The following FANCD2 variants were observed in gnomAD, a reference collection of about 807,000 sequenced individuals.
The protein encoded by FANCD2 is FA complementation group D2, also known as Fanconi anemia group D2 protein.
In FANCD2, 131 loss-of-function variants were observed where a neutral mutation model predicts 192.3. The ratio of observed to expected loss-of-function variants is 0.68; its 90% CI spans 0.59 to 0.79. The LOEUF (loss-of-function observed/expected upper bound fraction) is 0.79, where lower values mean the gene tolerates loss of function less well. Ranked by LOEUF, FANCD2 falls within the 30% of genes least tolerant of loss-of-function variation. FANCD2 has a pLI of 0.00. For synonymous variants in FANCD2, 524 were observed against 612.5 expected, an observed-to-expected ratio of 0.86 and a Z score of 2.13; for missense variants, 1,508 against 1,701.6, an observed-to-expected ratio of 0.89 and a Z score of 2.00.
chr3:10,042,559 G>A lies in FANCD2; in HGVS notation c.784G>A (p.Val262Ile). The change falls in exon 11 of 44, where the codon GTT becomes ATT. Residue 262 changes from valine (V) to isoleucine (I), a missense_variant and splice_region_variant. By Grantham distance (29) the Val-to-Ile change is conservative. This residue lies in a region of FANCD2 where 435 missense variants were observed against 421.9 expected (regional missense o/e 1.03). Transcript: ENST00000675286. ...LRLDPNFLLK[V>I]RQLVMDKLSS... ...AAGTTTCTGTGCTTTTAATTTTTAG[G>A]TTCGCCAGTTGGTGATGGATAAGTT... 7 of 1,612,880 alleles carry A rather than the reference G, an allele frequency of 4.3e-6. No homozygotes were observed. The highest frequency in any genetic ancestry group is 5.9e-6 in the Non-Finnish European group (7 of 1,178,952).
chr3:10,029,052 C>T (rs1216672605), intron 2 of FANCD2, among the ~76,000 whole-genome samples: 1 of 152,074 alleles, frequency 6.6e-6, no homozygotes. Flanking sequence ...GTCTTTCTTC[C>T]TCTCTTGGAA....
At chr3:10,036,105 T>TTTTTTTTTTTTTTTTTTGG (rs2086724568) in intron 6 of FANCD2, among the ~76,000 whole-genome samples, 182 bp from the exon 7 acceptor site, 2 of 146,788 alleles carry the variant, frequency 1.4e-5, no homozygotes, top group African/African-American at 5.2e-5. Flanking sequence ...TTTTTTTTTT[T>TTTTTTTTTTTTTTTTTTGG]GAGTCAGAGT....
rs1376981821 is a variant in FANCD2 at position 10,043,127 on chromosome 3, G to T, written c.966G>T (p.Lys322Asn). The T allele has an allele frequency of 6.2e-7, 1 of 1,614,098 alleles. No homozygotes were observed. The highest frequency in any genetic ancestry group is 1.7e-5 in the Admixed American group (1 of 60,018). The change falls in exon 12 of 44, where the codon AAG becomes AAT. Residue 322 changes from lysine to asparagine, a missense_variant. Around this residue, in one of 5 missense-constraint regions of FANCD2, gnomAD observed 435 missense variants for 421.9 expected, o/e 1.03. Coordinates refer to ENST00000675286, the MANE Select transcript of FANCD2 (RefSeq NM_001018115.3). ...LPSRLQASQV[K>N]LKSKGRASSS... Reference sequence around the variant, plus strand: ...CACGGTTACAGGCTTCCCAAGTAAAGTTGAAAAGTAAAGGACGAGCAAGGT... The same window carrying T: ...CACGGTTACAGGCTTCCCAAGTAAATTTGAAAAGTAAAGGACGAGCAAGGT...
chr3:10,048,449 A>C (rs75123690), intron 16 of FANCD2, among the ~76,000 whole-genome samples: 2 of 149,990 alleles, frequency 1.3e-5, no homozygotes, highest in African/African-American at 4.9e-5. Flanking sequence ...GATTACAGGC[A>C]CACACCACCA....
At chr3:10,041,517 G>C (rs1008419177) in intron 9 of FANCD2, 106 bp from the exon 10 acceptor site, 1 of 842,104 alleles carries the variant, frequency 1.2e-6, no homozygotes. Flanking sequence ...TGGCAACTAA[G>C]TATGTCCTTT....
chr3:10,077,065 A>G (rs961323105), intron 29 of FANCD2, among the ~76,000 whole-genome samples: 2 of 151,964 alleles, frequency 1.3e-5, no homozygotes, highest in African/African-American at 4.8e-5. Flanking sequence ...CTGTCTCTAC[A>G]AAAAGTTAAA....
At chr3:10,084,726 A>G (rs1694075687) in intron 32 of FANCD2, among the ~76,000 whole-genome samples, 1 of 152,250 alleles carries the variant, frequency 6.6e-6, no homozygotes, top group Admixed American at 6.5e-5. Context: ...AAGAATGACT[A>G]TCACTGGTGA....
chr3:10,053,587 A>G (rs185656736), intron 18 of FANCD2, among the ~76,000 whole-genome samples: 9 of 151,874 alleles, frequency 5.9e-5, no homozygotes, highest in Admixed American at 1.3e-4. Context: ...TATTCTCAGT[A>G]TTTTGTATTA....
intron 9 of FANCD2, chr3:10,040,362 C>T (rs2086836223): frequency 2.5e-6 from 1 of 400,200 alleles, no homozygotes; most frequent in African/African-American, 2.1e-5. Flanking sequence ...AAATGGTATA[C>T]CTGTTATGAG....
intron 16 of FANCD2, among the ~76,000 whole-genome samples, chr3:10,048,585 G>T (rs1441168569): frequency 6.6e-6 from 1 of 152,202 alleles, no homozygotes; most frequent in Non-Finnish European, 1.5e-5. Context: ...GATTATAGGC[G>T]TGAGCCATTG....
chr3:10,078,108 C>T lies in FANCD2; in HGVS notation c.2887C>T (p.Pro963Ser). Residue 963 changes from proline to serine, a missense_variant, in exon 30 of 44, where the codon CCT becomes TCT. Transcript: ENST00000675286. ...TACAGAAGTTGTGCAACTTGGGCCC[C>T]CTGAGCTGCTTTTCTTGCTGGAAGA... Reference protein sequence around the residue: ...EATEVVQLGPPELLFLLEDLS... With the variant: ...EATEVVQLGPSELLFLLEDLS... The T allele has an allele frequency of 3.1e-6, 5 of 1,613,794 alleles. No individual in the cohort carries two copies. The highest frequency in any genetic ancestry group is 4.2e-6 in the Non-Finnish European group (5 of 1,179,784).
rs143576157 is a variant in FANCD2, at chr3:10,050,421, A to G, written c.1545+916A>G. Among the ~76,000 whole-genome samples, 1,271 of 150,790 alleles carry G rather than the reference A, an allele frequency of 8.4e-3. 7 individuals are homozygous for G. Among genetic ancestry groups the G allele is most frequent in the South Asian group, 0.02 (96 of 4,750 alleles). The stretch of plus-strand genomic sequence containing the variant: ...GGGCAAATCACGAGGTCAGGAGATC[A>G]AGACCATCCTGCCTAACACGGTGAA... On this transcript the variant is annotated intron_variant, in intron 17 of 43. Transcript: ENST00000675286.
At chr3:10,064,561 A>G (rs1360103857) in intron 22 of FANCD2, 132 bp downstream of exon 22, 9 of 1,263,632 alleles carry the variant, frequency 7.1e-6, no homozygotes, top group Admixed American at 5.1e-5. Context: ...TTTCCTCCCA[A>G]CCCCAGCACC....
chr3:10,101,108 G>A, intron 43 of FANCD2, 80 bp from the exon 44 acceptor site: 2 of 1,043,616 alleles, frequency 1.9e-6, no homozygotes, highest in Non-Finnish European at 3.0e-6. Flanking sequence ...GTACAGTTGT[G>A]TATCCTCTAG....
chr3:10,095,450 A>G, intron 41 of FANCD2, 176 bp downstream of exon 41: 2 of 629,862 alleles, frequency 3.2e-6, no homozygotes, highest in East Asian at 5.5e-5. Context: ...AGTCCTCTAG[A>G]GGGGAATCTC....
In FANCD2 at chr3:10,081,661, G is replaced by A. The variant is rs879779724; in HGVS notation, c.3224+197G>A. 1.6e-5 allele frequency: 10 copies of A among 615,430 alleles called. No individual in the cohort carries two copies. In the African/African-American group the frequency reaches 1.8e-4, roughly 11 times the overall value. 38.1% of individuals were successfully genotyped at this position (615,430 alleles called of 1,614,324 possible). On this transcript the variant is annotated intron_variant, in intron 32 of 43. Transcript: ENST00000675286. ...CCTCTGAGTCCTTTGGAGCCACTATGTTAACCCATTTGACAGATTAGGTGA... is the reference window on the plus strand; with the variant it reads ...CCTCTGAGTCCTTTGGAGCCACTATATTAACCCATTTGACAGATTAGGTGA...
At chr3:10,055,550 C>G (rs1440704452) in intron 18 of FANCD2, among the ~76,000 whole-genome samples, 1 of 152,130 alleles carries the variant, frequency 6.6e-6, no homozygotes, top group African/African-American at 2.4e-5. Flanking sequence ...CGGTGACTCA[C>G]GCCTGTAATC....
rs759743690 is a variant in FANCD2 at position 10,064,404 on chromosome 3, G to A, written c.1996G>A (p.Val666Met). The change falls in exon 22 of 44, where the codon GTG (valine) becomes ATG (methionine). Residue 666 changes from valine (V) to methionine (M), a missense_variant. Val to Met is a conservative substitution (Grantham distance 21, BLOSUM62 1). Around this residue, in one of 5 missense-constraint regions of FANCD2, gnomAD observed 59 missense variants for 111.9 expected, o/e 0.53. Transcript: ENST00000675286. ...ICNDFQDAFV[V>M]DSCVVPEGDF... ...TAATGATTTCCAGGATGCCTTCGTAGTGGACTCCTGTGTTGTTCCGGAAGG... is the reference window on the plus strand; with the variant it reads ...TAATGATTTCCAGGATGCCTTCGTAATGGACTCCTGTGTTGTTCCGGAAGG... 5 of 1,613,646 alleles carry A rather than the reference G, an allele frequency of 3.1e-6. No homozygotes were observed. The Admixed American group carries it at 6.7e-5, about 22-fold the overall frequency.
Position 10,091,907 on chromosome 3 carries a change from A to C in FANCD2, c.3778-274A>C, listed in dbSNP as rs35247345. Among the ~76,000 whole-genome samples the C allele has an allele frequency of 7.4e-4, 112 of 152,346 alleles. 1 individual carries two copies. In the South Asian group the frequency reaches 0.018, roughly 25 times the overall value. On this transcript the variant is annotated intron_variant, in intron 37 of 43. Coordinates refer to ENST00000675286, the MANE Select transcript of FANCD2 (RefSeq NM_001018115.3). ...CAGGAGTTCGAGACTAGCCTGGCCAACATGGTCAGTATATGTTGCAAAGGC... is the reference window on the plus strand; with the variant it reads ...CAGGAGTTCGAGACTAGCCTGGCCACCATGGTCAGTATATGTTGCAAAGGC...
Sources: gnomAD v4.1 joint callset for allele counts (sites outside exome capture counted in the v4.1 genomes callset) on GRCh38, gnomAD v4.1.1 for gene constraint, gnomAD v4.1.1 regional missense constraint, MANE v1.5 for transcripts, NCBI Gene and HGNC (gene_info 2026-07-23, HGNC 2026-07-21) for gene names.